Variants in SH3PXD2A observed in about 807,000 individuals in gnomAD.
SH3PXD2A encodes SH3 and PX domain-containing protein 2A.
SH3PXD2A carries 32 observed loss-of-function variants against 115.2 expected under a neutral mutation model. The ratio of observed to expected loss-of-function variants is 0.28; its 90% CI spans 0.21 to 0.37. SH3PXD2A has a LOEUF of 0.37. Among genes scored for constraint, SH3PXD2A ranks in the 10% least tolerant of loss-of-function variants. SH3PXD2A has a pLI of 1.00. For missense variants in SH3PXD2A, 1,328 were observed against 1,498.7 expected (o/e 0.89, Z 1.88); for synonymous variants, 610 against 629.1 (o/e 0.97, Z 0.45).
chr10:103,682,042 C>T (rs546772068), intron 6 of SH3PXD2A, among the ~76,000 whole-genome samples: 21 of 152,380 alleles, frequency 1.4e-4, no homozygotes, highest in African/African-American at 5.0e-4. Flanking sequence ...TTTGCCCATG[C>T]AGTTCCCTTT....
At chr10:103,680,317 C>G (rs541078631) in intron 6 of SH3PXD2A, among the ~76,000 whole-genome samples, 104 of 151,054 alleles carry the variant, frequency 6.9e-4, no homozygotes, top group African/African-American at 2.4e-3. Flanking sequence ...GGGTCTTGCT[C>G]TATTGCCCAG....
intron 1 of SH3PXD2A, among the ~76,000 whole-genome samples, chr10:103,816,846 T>C (rs1255217881): frequency 6.6e-6 from 1 of 152,140 alleles, no homozygotes. Flanking sequence ...AGAATATTAT[T>C]CTTTTTTTTG....
intron 1 of SH3PXD2A, among the ~76,000 whole-genome samples, chr10:103,833,952 C>G (rs992491103): frequency 2.6e-5 from 4 of 152,154 alleles, no homozygotes; most frequent in East Asian, 1.9e-4. Context: ...CTCCCCTCCC[C>G]CTCCCGGAAA....
chr10:103,807,309 A>C (rs1056947608), intron 1 of SH3PXD2A, among the ~76,000 whole-genome samples: 8 of 152,218 alleles, frequency 5.3e-5, no homozygotes, highest in Non-Finnish European at 8.8e-5. Context: ...CCTTGGCTAC[A>C]AAATGTACAA....
At chr10:103,689,182 T>C (rs1243852813) in intron 6 of SH3PXD2A, among the ~76,000 whole-genome samples, 3 of 151,990 alleles carry the variant, frequency 2.0e-5, no homozygotes, top group African/African-American at 7.2e-5. Context: ...CTGATCAATA[T>C]TTTTTAAGAG....
intron 10 of SH3PXD2A, among the ~76,000 whole-genome samples, chr10:103,618,119 G>T (rs1211345293): frequency 6.6e-6 from 1 of 152,226 alleles, no homozygotes; most frequent in African/African-American, 2.4e-5. Context: ...TTTCAAGGAT[G>T]TCACTTCAGG....
chr10:103,741,303 C>T (rs1316144296), intron 3 of SH3PXD2A, among the ~76,000 whole-genome samples: 2 of 152,196 alleles, frequency 1.3e-5, no homozygotes, highest in Non-Finnish European at 2.9e-5. Context: ...ATTCTAAGTG[C>T]CCTTGGGCCT....
intron 2 of SH3PXD2A, among the ~76,000 whole-genome samples, chr10:103,786,814 C>G (rs1415477453): frequency 6.6e-6 from 1 of 152,160 alleles, no homozygotes; most frequent in Non-Finnish European, 1.5e-5. Flanking sequence ...CTGGTTCCTA[C>G]GGAGAGTCCC....
At position 103,784,400 on chromosome 10, in the gene SH3PXD2A, G is replaced by A. The variant is rs529268177; in HGVS notation, c.153+16882C>T. 3.3e-5 allele frequency among the ~76,000 whole-genome samples: 5 copies of A among 152,242 alleles called. No individual in the cohort carries two copies. The highest frequency in any genetic ancestry group is 5.9e-5 in the Non-Finnish European group (4 of 68,020). ...TCCACCTCCAGTTCCACTCCTACAC[G>A]CAGACCCAAGGCAGGAGGAAGGGAA... On this transcript the variant is annotated intron_variant, in intron 2 of 14. Transcript: ENST00000369774. The surrounding 1 kb of genome is among the most constrained non-coding windows in gnomAD (Gnocchi z 4.4).
At position 103,594,884 on chromosome 10, in the gene SH3PXD2A, C is replaced by G. The variant is rs1000565341; in HGVS notation, c.*6932G>C. On this transcript the variant is annotated 3_prime_UTR_variant, in exon 15 of 15. Coordinates refer to ENST00000369774, the MANE Select transcript of SH3PXD2A (RefSeq NM_001394015.1). ...TTGAGAATGACTGGTACCAACAAGA[C>G]GACAAAGGAGGTTGCCTTCCTCCCA... 1 of 152,188 alleles carries G rather than the reference C, an allele frequency of 6.6e-6. No individual in the cohort carries two copies. Among genetic ancestry groups the G allele is most frequent in the African/African-American group, 2.4e-5 (1 of 41,420 alleles). The allele number at this position is 152,188 out of a possible 1,614,324, so 9.4% of individuals were successfully genotyped here. A position where few individuals can be genotyped will look rare whatever the true frequency, so the allele number is the denominator to read the frequency against.
rs1554913266 is a variant in SH3PXD2A at position 103,702,596 on chromosome 10, C to CGTGTGTGCGTGTGTGTGTGTGTGT, written c.399-9541_399-9540insACACACACACACACACGCACACAC. 6.1e-5 allele frequency among the ~76,000 whole-genome samples: 9 copies of CGTGTGTGCGTGTGTGTGTGTGTGT among 147,562 alleles called. No homozygotes were observed. In the East Asian group the frequency reaches 1.6e-3, roughly 27 times the overall value. ...GAACAGATGTAAGCCTGTGTGTGTG[C>CGTGTGTGCGTGTGTGTGTGTGTGT]GTGTGTGTGTGTGTGTGCATGCTGG... On this transcript the variant is annotated intron_variant, in intron 5 of 14. Transcript: ENST00000369774.
chr10:103,717,734 C>A (rs1470998595), intron 5 of SH3PXD2A, among the ~76,000 whole-genome samples: 1 of 152,218 alleles, frequency 6.6e-6, no homozygotes, highest in Non-Finnish European at 1.5e-5. Context: ...TTCTGGGTCA[C>A]GCAGTTGACC....
chr10:103,658,708 T>C (rs1370211730), intron 8 of SH3PXD2A, among the ~76,000 whole-genome samples: 1 of 152,194 alleles, frequency 6.6e-6, no homozygotes, highest in Non-Finnish European at 1.5e-5. Context: ...ACGGTAAAGA[T>C]ACGAAACTCC....
intron 8 of SH3PXD2A, among the ~76,000 whole-genome samples, chr10:103,642,807 C>T (rs7100298): frequency 0.13 from 19,997 of 152,094 alleles, 1,609 homozygotes; most frequent in South Asian, 0.27. Context: ...GCCTAAGATG[C>T]GTACATGTAC....
intron 5 of SH3PXD2A, among the ~76,000 whole-genome samples, chr10:103,712,853 C>T (rs2038061844): frequency 2.0e-5 from 3 of 152,310 alleles, no homozygotes; most frequent in South Asian, 4.2e-4. Context: ...AGCTCACCCC[C>T]GTGTGGGGTG....
chr10:103,728,236 G>T (rs994832704), intron 4 of SH3PXD2A, among the ~76,000 whole-genome samples: 14 of 152,216 alleles, frequency 9.2e-5, no homozygotes, highest in African/African-American at 3.4e-4. Context: ...TCTGAGCTCT[G>T]GGATGTGACG....
At chr10:103,639,608 TAAAAAAAA>T (rs67918508) in intron 8 of SH3PXD2A, among the ~76,000 whole-genome samples, 1 of 85,852 alleles carries the variant, frequency 1.2e-5, no homozygotes, top group South Asian at 3.8e-4. Context: ...GACTCCGTCT[TAAAAAAAA>T]AAAAAAAAAA....
intron 2 of SH3PXD2A, among the ~76,000 whole-genome samples, chr10:103,783,051 C>G (rs2038947440): frequency 6.6e-6 from 1 of 151,940 alleles, no homozygotes; most frequent in Non-Finnish European, 1.5e-5. Context: ...ACAGCAAGGA[C>G]AAAGGCCTGG....
intron 3 of SH3PXD2A, among the ~76,000 whole-genome samples, chr10:103,748,451 G>A (rs1589439513): frequency 6.6e-6 from 1 of 152,268 alleles, no homozygotes; most frequent in East Asian, 1.9e-4. Context: ...CTGAAAGAAG[G>A]GGCAACACGC....
Sources: gnomAD v4.1 joint callset for allele counts (sites outside exome capture counted in the v4.1 genomes callset) on GRCh38, gnomAD v4.1.1 for gene constraint, Gnocchi (gnomAD v3.1) non-coding constraint, MANE v1.5 for transcripts, NCBI Gene and HGNC (gene_info 2026-07-23, HGNC 2026-07-21) for gene names.